LZTS3: variants seen among roughly 807,000 people sequenced by gnomAD.
LZTS3 encodes the protein leucine zipper tumor suppressor family member 3, also known as leucine zipper putative tumor suppressor 3.
Under a neutral mutation model 50.9 loss-of-function variants are expected in LZTS3, and 16 were observed. That is an observed-to-expected ratio of 0.31 (90% CI 0.21 to 0.48). The LOEUF is 0.48. Among genes scored for constraint, LZTS3 ranks in the 20% least tolerant of loss-of-function variants. The pLI is 0.99. For synonymous variants in LZTS3, 408 were observed against 410.6 expected, an observed-to-expected ratio of 0.99 and a Z score of 0.08; for missense variants, 816 against 931.0, an observed-to-expected ratio of 0.88 and a Z score of 1.61.
intron 1 of LZTS3, among the ~76,000 whole-genome samples, chr20:3,172,103 ACTTT>A (rs1427708136): frequency 1.3e-5 from 2 of 152,086 alleles, no homozygotes; most frequent in East Asian, 3.9e-4. Context: ...TCCTCAATGG[ACTTT>A]CTTCTCCTGC....
chr20:3,164,606 C>G lies in LZTS3; in HGVS notation c.1870G>C (p.Val624Leu), dbSNP rs764234215. The G allele has an allele frequency of 1.2e-6, 2 of 1,612,642 alleles. No homozygotes were observed. Among genetic ancestry groups the G allele is most frequent in the African/African-American group, 2.7e-5 (2 of 74,862 alleles). ...TGCTGGTTGCGCTGGTACATCTCCA[C>G]GTAGCTCAGCTGCAGCTGCTTCTGG... ...EYQKQLQLSY[V>L]EMYQRNQQLE... The change falls in exon 5 of 5, where the codon GTG (valine) becomes CTG (leucine). Residue 624 changes from valine to leucine, a missense_variant. Transcript: ENST00000337576.
At position 3,164,961 on chromosome 20, in the gene LZTS3, C is replaced by G; in HGVS notation, c.1515G>C (p.Leu505=). Residue 505 remains leucine, a synonymous_variant, in exon 5 of 5, where the codon CTG becomes CTC. Transcript: ENST00000337576. ...RDSFSSKQAS[L]ELGEGELPAA... is the part of the protein sequence containing the mutation. ...CAGGCAGCTCGCCTTCGCCCAGCTCCAGGCTGGCCTGCTTGCTGCTGAAGG... is the reference window on the plus strand; with the variant it reads ...CAGGCAGCTCGCCTTCGCCCAGCTCGAGGCTGGCCTGCTTGCTGCTGAAGG... 1 of 1,556,702 alleles carries G rather than the reference C, an allele frequency of 6.4e-7. No homozygotes were observed. The highest frequency in any genetic ancestry group is 1.2e-5 in the South Asian group (1 of 85,446).
At position 3,166,918 on chromosome 20, in the gene LZTS3, C is replaced by T; in HGVS notation, c.246G>A (p.Arg82=). The change falls in exon 3 of 5, where the codon AGG becomes AGA. Residue 82 remains arginine (R), a synonymous_variant. Coordinates refer to ENST00000337576, the MANE Select transcript of LZTS3 (RefSeq NM_001365618.1). The stretch of plus-strand genomic sequence containing the variant: ...TGTCCTCTGAGGGGTAGCGGCCCGG[C>T]CTCTCCCTGCTGGCCCCACTGCCAC... The part of the protein sequence containing the change: ...RGSGSGASRE[R]PGRYPSEDKG... 1 of 1,611,402 alleles carries T rather than the reference C, an allele frequency of 6.2e-7. No homozygotes were observed. Among genetic ancestry groups the T allele is most frequent in the Non-Finnish European group, 8.5e-7 (1 of 1,179,916 alleles).
rs367843878 is a variant in LZTS3 at position 3,167,651 on chromosome 20, A to G, written c.-19+87T>C. ...GGGGAGAGCAGTACCTGAATCCAAC[A>G]GGGAACCAACCTCAGAAATTAGGGG... On this transcript the variant is annotated intron_variant, in intron 2 of 4. Transcript: ENST00000337576. 25 of 988,192 alleles carry G rather than the reference A, an allele frequency of 2.5e-5. No homozygotes were observed. In the East Asian group the frequency reaches 2.0e-3, roughly 80 times the overall value. 61.2% of individuals were successfully genotyped at this position (988,192 alleles called of 1,614,324 possible).
At position 3,165,401 on chromosome 20, in the gene LZTS3, C is replaced by A. The variant is rs1261639957; in HGVS notation, c.1323+96G>T. On this transcript the variant is annotated intron_variant, in intron 4 of 4. Coordinates refer to ENST00000337576, the MANE Select transcript of LZTS3 (RefSeq NM_001365618.1). The surrounding 1 kb of genome is among the most constrained non-coding windows in gnomAD (Gnocchi z 5.0). ...CCCCCTGCTCCTTTCATCCCCCCCC[C>A]CATCCCACCGTTATGATAGTGAGGG... 6.1e-6 allele frequency: 8 copies of A among 1,301,852 alleles called. 2 individuals carry two copies. In the East Asian group the frequency reaches 8.0e-5, roughly 13 times the overall value. The allele number at this position is 1,301,852 out of a possible 1,614,324, so 80.6% of individuals were successfully genotyped here.
At position 3,166,037 on chromosome 20, in the gene LZTS3, G is replaced by GCCACTA; in HGVS notation, c.777_782dup (p.Ser260_Gly261dup). 6.2e-7 allele frequency: 1 copy of GCCACTA among 1,612,722 alleles called. No individual in the cohort carries two copies. The highest frequency in any genetic ancestry group is 8.5e-7 in the Non-Finnish European group (1 of 1,179,460). On this transcript the variant is annotated inframe_insertion, in exon 4 of 5. Coordinates refer to ENST00000337576, the MANE Select transcript of LZTS3 (RefSeq NM_001365618.1). The stretch of plus-strand genomic sequence containing the variant: ...AGCCCGACCCCCCACCGCTGCTGCC[G>GCCACTA]CCACTACCACTACCATAGCTGGCAG...
chr20:3,166,710 C>T lies in LZTS3; in HGVS notation c.454G>A (p.Asp152Asn). 6.2e-7 allele frequency: 1 copy of T among 1,613,236 alleles called. No homozygotes were observed. Among genetic ancestry groups the T allele is most frequent in the Non-Finnish European group, 8.5e-7 (1 of 1,179,476 alleles). The change falls in exon 3 of 5, where the codon GAC (aspartate) becomes AAC (asparagine). Residue 152 changes from aspartate (D) to asparagine (N), a missense_variant. Asp to Asn is a conservative substitution (Grantham distance 23). Coordinates refer to ENST00000337576, the MANE Select transcript of LZTS3 (RefSeq NM_001365618.1). The stretch of plus-strand genomic sequence containing the variant: ...CTCAGGCCCTGCGGACTGACCTGGT[C>T]TAGCTTGCCAGAGGTGGCCAGGAGC... ...PKLLATSGKLDQCSEPLVRPS... is the reference protein window; with the variant it reads ...PKLLATSGKLNQCSEPLVRPS...
At chr20:3,167,524 C>G in intron 2 of LZTS3, 1 of 1,061,862 alleles carries the variant, frequency 9.4e-7, no homozygotes, top group African/African-American at 1.7e-5. Flanking sequence ...GGCTCAGTGA[C>G]CCTCTCAACT....
At chr20:3,173,244 C>G (rs1030942542) in intron 1 of LZTS3, among the ~76,000 whole-genome samples, 2 of 152,110 alleles carry the variant, frequency 1.3e-5, no homozygotes, top group Non-Finnish European at 2.9e-5. Flanking sequence ...ATAATCCGAG[C>G]CGCACCCCCT....
At position 3,165,073 on chromosome 20, in the gene LZTS3, C is replaced by A; in HGVS notation, c.1403G>T (p.Ser468Ile). The change falls in exon 5 of 5, where the codon AGT becomes ATT. Residue 468 changes from serine (S) to isoleucine (I), a missense_variant. Ser to Ile is a moderately radical substitution (Grantham distance 142). Coordinates refer to ENST00000337576, the MANE Select transcript of LZTS3 (RefSeq NM_001365618.1). The surrounding 1 kb of genome is among the most constrained non-coding windows in gnomAD (Gnocchi z 5.0). ...DSQADVSQKL[S>I]EIVGLRSQLR... is the part of the protein sequence containing the mutation. ...CTGCGAGCGCAGTCCCACGATCTCACTCAACTTCTGCGACACATCCGCCTG... is the reference window on the plus strand; with the variant it reads ...CTGCGAGCGCAGTCCCACGATCTCAATCAACTTCTGCGACACATCCGCCTG... 6.3e-7 allele frequency: 1 copy of A among 1,590,612 alleles called. No homozygotes were observed. The highest frequency in any genetic ancestry group is 8.5e-7 in the Non-Finnish European group (1 of 1,169,932).
chr20:3,165,464 G>A lies in LZTS3; in HGVS notation c.1323+33C>T, dbSNP rs974363855. ...GGGTTTCCCAGAGGGACAGAAGGGA[G>A]GCAGAGGGGAGGCCCAGATCCCCAG... On this transcript the variant is annotated intron_variant, in intron 4 of 4. Coordinates refer to ENST00000337576, the MANE Select transcript of LZTS3 (RefSeq NM_001365618.1). This position sits in a 1 kb window ranked among gnomAD's most constrained non-coding sequence, Gnocchi z 5.0. 1.3e-6 allele frequency: 2 copies of A among 1,509,532 alleles called. No individual in the cohort carries two copies. Among genetic ancestry groups the A allele is most frequent in the Non-Finnish European group, 1.8e-6 (2 of 1,136,326 alleles). 93.5% of individuals were successfully genotyped at this position (1,509,532 alleles called of 1,614,324 possible).
chr20:3,163,812 C>T lies in LZTS3; in HGVS notation c.*642G>A, dbSNP rs577809389. On this transcript the variant is annotated 3_prime_UTR_variant, in exon 5 of 5. Coordinates refer to ENST00000337576, the MANE Select transcript of LZTS3 (RefSeq NM_001365618.1). This position sits in a 1 kb window ranked among gnomAD's most constrained non-coding sequence, Gnocchi z 5.2. ...GCCCCAGTCCTCCCCTCCCGCAACA[C>T]ACACACAGGGACACACACTCACAAC... 13 of 152,600 alleles carry T rather than the reference C, an allele frequency of 8.5e-5. No homozygotes were observed. Among genetic ancestry groups the T allele is most frequent in the African/African-American group, 3.1e-4 (13 of 41,588 alleles). 9.5% of individuals were successfully genotyped at this position (152,600 alleles called of 1,614,324 possible).
chr20:3,172,263 T>C (rs2066910791), intron 1 of LZTS3, among the ~76,000 whole-genome samples: 1 of 152,244 alleles, frequency 6.6e-6, no homozygotes, highest in African/African-American at 2.4e-5. Context: ...AAATCCCAGC[T>C]TGACTGATTA....
At position 3,165,393 on chromosome 20, in the gene LZTS3, C is replaced by CA; in HGVS notation, c.1323+103_1323+104insT. The CA allele has an allele frequency of 3.6e-6, 2 of 560,806 alleles. No individual in the cohort carries two copies. Among genetic ancestry groups the CA allele is most frequent in the Non-Finnish European group, 4.8e-6 (2 of 418,388 alleles). 34.7% of individuals were successfully genotyped at this position (560,806 alleles called of 1,614,324 possible). A position where few individuals can be genotyped will look rare whatever the true frequency, so the allele number is the denominator to read the frequency against. ...TTTTTGTCCCCCCTGCTCCTTTCAT[C>CA]CCCCCCCCCATCCCACCGTTATGAT... On this transcript the variant is annotated intron_variant, in intron 4 of 4. Coordinates refer to ENST00000337576, the MANE Select transcript of LZTS3 (RefSeq NM_001365618.1). This position sits in a 1 kb window ranked among gnomAD's most constrained non-coding sequence, Gnocchi z 5.0.
rs2066791172 is a variant in LZTS3, at chr20:3,165,141, CTTCT to C, written c.1331_1334del (p.Gln444ArgfsTer8). On this transcript the variant is annotated frameshift_variant, in exon 5 of 5. Coordinates refer to ENST00000337576, the MANE Select transcript of LZTS3 (RefSeq NM_001365618.1). LOFTEE classifies it high-confidence loss of function. The surrounding 1 kb of genome is among the most constrained non-coding windows in gnomAD (Gnocchi z 5.0). ...GCTTCAGGAGGGAGATCTCGCCAGC[CTTCT>C]GGCACACCTGGGCAGGAACAGGTGA... The C allele has an allele frequency of 6.4e-7, 1 of 1,570,060 alleles. No individual in the cohort carries two copies. Among genetic ancestry groups the C allele is most frequent in the Non-Finnish European group, 8.6e-7 (1 of 1,158,698 alleles).
In LZTS3 at chr20:3,164,867, C is replaced by T. The variant is rs1270093734; in HGVS notation, c.1609G>A (p.Glu537Lys). ...CGGCGCATCTTAGCCTCGTCGCTCT[C>T]GCAGGTGGCCAGAGCATCCTGTGGC... ...AEPQDALATC[E>K]SDEAKMRRQA... Residue 537 changes from glutamate to lysine, a missense_variant, in exon 5 of 5, where the codon GAG becomes AAG. Transcript: ENST00000337576. 1.3e-6 allele frequency: 2 copies of T among 1,555,934 alleles called. No homozygotes were observed. The highest frequency in any genetic ancestry group is 2.3e-5 in the South Asian group (2 of 85,298).
intron 1 of LZTS3, among the ~76,000 whole-genome samples, chr20:3,172,789 G>C (rs1432495914): frequency 2.6e-5 from 4 of 152,196 alleles, no homozygotes; most frequent in African/African-American, 9.7e-5. Flanking sequence ...GAGCAGGAGG[G>C]GTTTCCAGGA....
Position 3,165,375 on chromosome 20 carries a change from C to T in LZTS3, c.1323+122G>A, listed in dbSNP as rs1021493768. On this transcript the variant is annotated intron_variant, in intron 4 of 4. Transcript: ENST00000337576. The surrounding 1 kb of genome is among the most constrained non-coding windows in gnomAD (Gnocchi z 5.0). ...ACAGACACTCCCAATTGATTTTTGTCCCCCCTGCTCCTTTCATCCCCCCCC... is the reference window on the plus strand; with the variant it reads ...ACAGACACTCCCAATTGATTTTTGTTCCCCCTGCTCCTTTCATCCCCCCCC... 4.6e-6 allele frequency: 6 copies of T among 1,305,372 alleles called. No individual in the cohort carries two copies. Among genetic ancestry groups the T allele is most frequent in the Non-Finnish European group, 3.0e-6 (3 of 984,510 alleles). 80.9% of individuals were successfully genotyped at this position (1,305,372 alleles called of 1,614,324 possible).
At chr20:3,171,023 G>A (rs2066896980) in intron 1 of LZTS3, among the ~76,000 whole-genome samples, 2 of 152,142 alleles carry the variant, frequency 1.3e-5, no homozygotes, top group East Asian at 1.9e-4. Flanking sequence ...TCTAGGCAAG[G>A]GGATAGCAAG....
Sources: allele counts gnomAD v4.1 joint callset (sites outside exome capture counted in the v4.1 genomes callset), GRCh38; gene constraint gnomAD v4.1.1; non-coding constraint Gnocchi (gnomAD v3.1); transcripts MANE v1.5; gene names NCBI Gene and HGNC (gene_info 2026-07-23, HGNC 2026-07-21).